AFF3: variants seen among roughly 807,000 people sequenced by gnomAD.
AFF3 encodes the protein AF4/FMR2 family member 3.
Under a neutral mutation model 129.7 loss-of-function variants are expected in AFF3, and 32 were observed. The observed-to-expected ratio is 0.25, with a 90% CI of 0.19 to 0.33. AFF3 has a LOEUF of 0.33. AFF3 is among the 10% of genes least tolerant of loss of function. The pLI, the probability that AFF3 is intolerant of heterozygous loss-of-function variation, is 1.00. For synonymous variants in AFF3, 644 were observed against 635.4 expected (o/e 1.01, Z -0.20); for missense variants, 1,373 against 1,592.0 (o/e 0.86, Z 2.34).
chr2:99,934,982 C>G (rs888074590), intron 7 of AFF3, among the ~76,000 whole-genome samples: 1 of 152,208 alleles, frequency 6.6e-6, no homozygotes, highest in South Asian at 2.1e-4. Context: ...TTCTCTGAAC[C>G]TACATTTGAC....
chr2:99,722,192 T>A (rs1223946001), intron 11 of AFF3, among the ~76,000 whole-genome samples: 1 of 152,202 alleles, frequency 6.6e-6, no homozygotes, highest in Non-Finnish European at 1.5e-5. Context: ...TTATAGTAGT[T>A]GCTTTATAAT....
intron 11 of AFF3, among the ~76,000 whole-genome samples, chr2:99,687,279 A>T (rs1675155447): frequency 6.6e-6 from 1 of 152,258 alleles, no homozygotes; most frequent in South Asian, 2.1e-4. Flanking sequence ...ATAGCTAAAT[A>T]TTCAGAAATA....
intron 13 of AFF3, among the ~76,000 whole-genome samples, chr2:99,638,471 T>C (rs552610316): frequency 6.8e-4 from 85 of 125,176 alleles, no homozygotes; most frequent in African/African-American, 2.6e-3. Flanking sequence ...GGGACTCTGG[T>C]GGTGCGGGTT....
At position 99,593,710 on chromosome 2, in the gene AFF3, G is replaced by A; in HGVS notation, c.1951C>T (p.Arg651Cys). The change falls in exon 15 of 25, where the codon CGC (arginine) becomes TGC (cysteine). Residue 651 changes from arginine (R) to cysteine (C), a missense_variant. Arg to Cys is a radical substitution (Grantham distance 180, BLOSUM62 -3). Transcript: ENST00000672756. Reference sequence around the variant, plus strand: ...ACGATCCTGCTTAGCCCCCGCGTGCGGCGCTTCTCGCAGGTCACGGAGGAG... The same window carrying A: ...ACGATCCTGCTTAGCCCCCGCGTGCAGCGCTTCTCGCAGGTCACGGAGGAG... Reference protein sequence around the residue: ...LRSSVTCEKRRTRGLSRIVPK... With the variant: ...LRSSVTCEKRCTRGLSRIVPK... 3.1e-6 allele frequency: 5 copies of A among 1,610,258 alleles called. No individual in the cohort carries two copies. Among genetic ancestry groups the A allele is most frequent in the South Asian group, 1.1e-5 (1 of 90,928 alleles).
At chr2:99,738,869 T>G (rs1263081038) in intron 10 of AFF3, among the ~76,000 whole-genome samples, 7 of 152,114 alleles carry the variant, frequency 4.6e-5, no homozygotes, top group Non-Finnish European at 1.0e-4. Context: ...TTTAGGTGTA[T>G]AGAATTTTTG....
intron 9 of AFF3, among the ~76,000 whole-genome samples, chr2:99,745,490 T>C (rs1681079706): frequency 1.3e-5 from 2 of 152,214 alleles, no homozygotes; most frequent in South Asian, 4.1e-4. Context: ...GTCATGAAGA[T>C]TTAAACCTAT....
rs571801773 is a variant in AFF3, at chr2:99,949,048, C to T, written c.873+57584G>A. ...TATGCCAGGGCACAAGGGGTAAATC[C>T]ATGGATTTGGGGGTCAGAACACCTC... On this transcript the variant is annotated intron_variant, in intron 7 of 24. Coordinates refer to ENST00000672756, the MANE Select transcript of AFF3 (RefSeq NM_001386135.1). Among the ~76,000 whole-genome samples, 215 of 152,232 alleles carry T rather than the reference C, an allele frequency of 1.4e-3. 2 individuals are homozygous for T. The highest frequency in any genetic ancestry group is 5.0e-3 in the African/African-American group (207 of 41,548).
intron 17 of AFF3, among the ~76,000 whole-genome samples, chr2:99,578,974 C>T (rs554365414): frequency 6.6e-6 from 1 of 152,332 alleles, no homozygotes; most frequent in African/African-American, 2.4e-5. Context: ...TGTAATCACC[C>T]ATGATCCTGG....
At chr2:99,756,529 C>A (rs1206287764) in intron 8 of AFF3, among the ~76,000 whole-genome samples, 1 of 152,224 alleles carries the variant, frequency 6.6e-6, no homozygotes, top group Admixed American at 6.5e-5. Context: ...CAAGCTAATA[C>A]CTGCCTGCAC....
At chr2:100,135,365 G>C (rs189379149) in intron 1 of AFF3, among the ~76,000 whole-genome samples, 70 of 152,336 alleles carry the variant, frequency 4.6e-4, no homozygotes, top group African/African-American at 1.6e-3. Flanking sequence ...CGGGATAAAG[G>C]CTGCTGTGTA....
intron 13 of AFF3, among the ~76,000 whole-genome samples, chr2:99,603,919 A>C (rs962011996): frequency 5.9e-5 from 9 of 152,242 alleles, no homozygotes; most frequent in African/African-American, 2.2e-4. Context: ...TCAAAACCAC[A>C]CTGAGATACC....
chr2:99,751,906 A>G (rs1213791111), intron 9 of AFF3, among the ~76,000 whole-genome samples: 2 of 152,218 alleles, frequency 1.3e-5, no homozygotes, highest in African/African-American at 2.4e-5. Context: ...TCCAGGACAT[A>G]CAATTTTATA....
chr2:100,104,422 T>C lies in AFF3; in HGVS notation c.33A>G (p.Glu11=), dbSNP rs767765259. 81 of 1,283,082 alleles carry C rather than the reference T, an allele frequency of 6.3e-5. No homozygotes were observed. The African/African-American group carries it at 1.2e-3, about 19-fold the overall frequency. 79.5% of individuals were successfully genotyped at this position (1,283,082 alleles called of 1,614,324 possible). Residue 11 remains glutamate, a synonymous_variant, in exon 4 of 25, where the codon GAA becomes GAG. Transcript: ENST00000672756. MDSFDLALLQ[E]WDLESLCVYE... ...CTTACCACAGTGACTCGAGGTCCCA[T>C]TCCTGGAGCAGGGCTAAGTCGAAGC...
intron 16 of AFF3, among the ~76,000 whole-genome samples, chr2:99,586,704 C>T (rs1434928574): frequency 6.6e-6 from 1 of 152,162 alleles, no homozygotes; most frequent in African/African-American, 2.4e-5. Context: ...ACCTTGGGAG[C>T]ACGGACCCTT....
chr2:99,735,713 G>T (rs78195919), intron 10 of AFF3, among the ~76,000 whole-genome samples: 4 of 152,204 alleles, frequency 2.6e-5, no homozygotes, highest in African/African-American at 9.6e-5. Context: ...GACTGGTCTC[G>T]AATTCCTGAC....
intron 1 of AFF3, among the ~76,000 whole-genome samples, chr2:100,135,113 G>C (rs564474783): frequency 6.6e-6 from 1 of 152,316 alleles, no homozygotes; most frequent in East Asian, 1.9e-4. Flanking sequence ...AAGGGAGAGA[G>C]CACCAGAACA....
At chr2:100,120,466 A>ATCCCC (rs1691915111) in intron 2 of AFF3, among the ~76,000 whole-genome samples, 1 of 92,192 alleles carries the variant, frequency 1.1e-5, no homozygotes, top group African/African-American at 5.9e-5. Context: ...TGCACCCCCA[A>ATCCCC]CCCCCACCCT....
At chr2:99,997,375 TGCCAACCAAGCTGTCA>T (rs1355070707) in intron 7 of AFF3, among the ~76,000 whole-genome samples, 1 of 152,166 alleles carries the variant, frequency 6.6e-6, no homozygotes, top group Non-Finnish European at 1.5e-5. Flanking sequence ...TTCCTCTGTC[TGCCAACCAAGCTGTCA>T]GCCAATCTTA....
chr2:99,848,355 A>T (rs1432998278), intron 7 of AFF3, among the ~76,000 whole-genome samples: 1 of 152,222 alleles, frequency 6.6e-6, no homozygotes, highest in African/African-American at 2.4e-5. Flanking sequence ...CTATCTGGAC[A>T]GAATGCAGAT....
Sources: gnomAD v4.1 joint callset for allele counts (sites outside exome capture counted in the v4.1 genomes callset) on GRCh38, gnomAD v4.1.1 for gene constraint, MANE v1.5 for transcripts, NCBI Gene and HGNC (gene_info 2026-07-23, HGNC 2026-07-21) for gene names.